SLC7A9: variants seen among roughly 807,000 people sequenced by gnomAD.
The protein encoded by SLC7A9 is solute carrier family 7 member 9.
A neutral mutation model predicts 54.1 loss-of-function variants in SLC7A9; 38 were observed. The observed-to-expected ratio is 0.70, with a 90% CI of 0.54 to 0.92. The LOEUF (loss-of-function observed/expected upper bound fraction) is 0.92, where lower values mean the gene tolerates loss of function less well. SLC7A9 is among the 40% of genes least tolerant of loss of function. SLC7A9 has a pLI of 0.00. For missense variants in SLC7A9, 537 were observed against 636.1 expected, an observed-to-expected ratio of 0.84 and a Z score of 1.68; for synonymous variants, 264 against 258.9, an observed-to-expected ratio of 1.02 and a Z score of -0.19.
At chr19:32,835,911 A>G (rs202051812) in intron 11 of SLC7A9, among the ~76,000 whole-genome samples, 2,640 of 142,794 alleles carry the variant, frequency 0.018, 103 homozygotes, top group African/African-American at 0.06. Flanking sequence ...GTGTGTGTGT[A>G]TGTGTGTGTG....
At chr19:32,866,771 T>C (rs11084675) in intron 2 of SLC7A9, among the ~76,000 whole-genome samples, 21,971 of 151,952 alleles carry the variant, frequency 0.14, 2,810 homozygotes, top group African/African-American at 0.34. Context: ...TTGCCAGCCC[T>C]CCGGTCAAGC....
intron 9 of SLC7A9, among the ~76,000 whole-genome samples, chr19:32,850,517 T>A (rs978248773): frequency 2.0e-5 from 3 of 151,774 alleles, no homozygotes; most frequent in Admixed American, 2.0e-4. Context: ...CACTGCTCAA[T>A]GAAATTAAAG....
chr19:32,847,510 A>T (rs1968335184), intron 9 of SLC7A9, among the ~76,000 whole-genome samples: 1 of 152,134 alleles, frequency 6.6e-6, no homozygotes, highest in South Asian at 2.1e-4. Context: ...GAAATGAACA[A>T]AGCCTCCAAG....
chr19:32,861,405 G>A (rs1968796650), intron 6 of SLC7A9, among the ~76,000 whole-genome samples: 1 of 152,108 alleles, frequency 6.6e-6, no homozygotes, highest in African/African-American at 2.4e-5. Context: ...AATTTATATG[G>A]TATTATTTAT....
intron 12 of SLC7A9, among the ~76,000 whole-genome samples, chr19:32,832,601 AAAAGAAAG>A (rs1307792241): frequency 6.9e-6 from 1 of 144,568 alleles, no homozygotes; most frequent in East Asian, 2.1e-4. Context: ...AAAAAAAAAA[AAAAGAAAG>A]AAAGAAAGAA....
In SLC7A9 at chr19:32,860,673, C is replaced by A. The variant is rs201306812; in HGVS notation, c.705-23G>T. 8 of 1,613,906 alleles carry A rather than the reference C, an allele frequency of 5.0e-6. No homozygotes were observed. In the East Asian group the frequency reaches 1.1e-4, roughly 22 times the overall value. ...TTCCTGGAAAAAGGAAAGTAACAAG[C>A]GTCACACACCTTGACTTTCTTTTTC... On this transcript the variant is annotated intron_variant, in intron 6 of 12. Coordinates refer to ENST00000023064, the MANE Select transcript of SLC7A9 (RefSeq NM_014270.5).
At chr19:32,835,965 A>T (rs1297386903) in intron 11 of SLC7A9, among the ~76,000 whole-genome samples, 1 of 151,412 alleles carries the variant, frequency 6.6e-6, no homozygotes, top group Non-Finnish European at 1.5e-5. Flanking sequence ...CCCAGGCTGG[A>T]GTGCAGTGGC....
At chr19:32,843,816 C>A in intron 10 of SLC7A9, 39 bp downstream of exon 10, 1 of 1,508,474 alleles carries the variant, frequency 6.6e-7, no homozygotes, top group Non-Finnish European at 9.2e-7. Context: ...TGGAGTGTCC[C>A]CGCCTTGAAG....
chr19:32,835,989 A>G (rs1169697285), intron 11 of SLC7A9, among the ~76,000 whole-genome samples: 1 of 151,738 alleles, frequency 6.6e-6, no homozygotes, highest in African/African-American at 2.4e-5. Context: ...ATCTCGGCTC[A>G]CTGCAACCTC....
At chr19:32,833,832 T>C (rs2145795073) in intron 11 of SLC7A9, among the ~76,000 whole-genome samples, 2 of 152,228 alleles carry the variant, frequency 1.3e-5, no homozygotes, top group Middle Eastern at 6.8e-3. Flanking sequence ...AACTGTTTAA[T>C]GTTTTAGCAT....
chr19:32,862,192 A>G lies in SLC7A9; in HGVS notation c.630T>C (p.Ser210=). 2 of 1,613,952 alleles carry G rather than the reference A, an allele frequency of 1.2e-6. No homozygotes were observed. The highest frequency in any genetic ancestry group is 8.5e-7 in the Non-Finnish European group (1 of 1,179,828). The change falls in exon 6 of 13, where the codon TCT becomes TCC. Residue 210 remains serine (S), a synonymous_variant. Coordinates refer to ENST00000023064, the MANE Select transcript of SLC7A9 (RefSeq NM_014270.5). The part of the protein sequence containing the change: ...AQGNTKNFDN[S]FEGAQLSVGA... ...CCACAGACAGCTGGGCGCCCTCGAA[A>G]GAATTATCAAAATTCTTTGTGTTTC... is the stretch of plus-strand genomic sequence containing the variant.
At chr19:32,865,083 A>G (rs1364365664) in intron 2 of SLC7A9, among the ~76,000 whole-genome samples, 1 of 152,138 alleles carries the variant, frequency 6.6e-6, no homozygotes, top group Non-Finnish European at 1.5e-5. Flanking sequence ...AGAGAGGGGG[A>G]AACCTGGCTC....
chr19:32,853,710 A>G (rs748111533), intron 9 of SLC7A9, among the ~76,000 whole-genome samples: 3 of 152,090 alleles, frequency 2.0e-5, no homozygotes, highest in Non-Finnish European at 4.4e-5. Context: ...TGAGGCCAGG[A>G]GTTTAAGACC....
At chr19:32,862,433 G>C in intron 5 of SLC7A9, 28 bp downstream of exon 5, 1 of 1,612,122 alleles carries the variant, frequency 6.2e-7, no homozygotes, top group South Asian at 1.1e-5. Context: ...GTGTGTGCCC[G>C]TGCAGGGCCC....
At chr19:32,855,725 A>C (rs1042923875) in intron 9 of SLC7A9, among the ~76,000 whole-genome samples, 8 of 151,862 alleles carry the variant, frequency 5.3e-5, no homozygotes, top group Admixed American at 4.6e-4. Context: ...GAAAAATGCA[A>C]GTTAGCTCAC....
intron 8 of SLC7A9, 134 bp from the exon 9 acceptor site, chr19:32,858,677 A>T: frequency 1.4e-6 from 1 of 696,762 alleles, no homozygotes; most frequent in South Asian, 1.5e-5. Context: ...TGACTCCTCC[A>T]CTGCAGAGGA....
intron 9 of SLC7A9, among the ~76,000 whole-genome samples, chr19:32,856,487 C>T (rs1280119815): frequency 4.6e-5 from 7 of 152,188 alleles, no homozygotes; most frequent in Admixed American, 4.6e-4. Context: ...AGCCACCATG[C>T]CCAGCCAGTG....
chr19:32,862,513 C>T lies in SLC7A9; in HGVS notation c.552G>A (p.Lys184=). 1 of 1,613,718 alleles carries T rather than the reference C, an allele frequency of 6.2e-7. No homozygotes were observed. ...TGATGATGATGGCCACGATCACCAGCTTGGCCGCGGTGAAGATGTTCTGGA... is the reference window on the plus strand; with the variant it reads ...TGATGATGATGGCCACGATCACCAGTTTGGCCGCGGTGAAGATGTTCTGGA... ...SYVQNIFTAA[K]LVIVAIIIIS... Residue 184 remains lysine, a synonymous_variant, in exon 5 of 13, where the codon AAG becomes AAA. Transcript: ENST00000023064.
chr19:32,832,860 G>C (rs761563794), intron 12 of SLC7A9: 3 of 397,150 alleles, frequency 7.6e-6, no homozygotes, highest in African/African-American at 4.1e-5. Flanking sequence ...AGTGAGCTAT[G>C]ACCATGCCAC....
Sources: gnomAD v4.1 joint callset for allele counts (sites outside exome capture counted in the v4.1 genomes callset) on GRCh38, gnomAD v4.1.1 for gene constraint, MANE v1.5 for transcripts, NCBI Gene and HGNC (gene_info 2026-07-23, HGNC 2026-07-21) for gene names.